NUP107: variants seen among roughly 807,000 people sequenced by gnomAD.
The protein encoded by NUP107 is nuclear pore complex protein Nup107.
NUP107 carries 101 observed loss-of-function variants against 141.0 expected under a neutral mutation model. The ratio of observed to expected loss-of-function variants is 0.72; its 90% CI spans 0.61 to 0.84. The LOEUF is 0.84. Among genes scored for constraint, NUP107 ranks in the 40% least tolerant of loss-of-function variants. The probability of loss-of-function intolerance (pLI) is 0.00; values close to 1 mark genes in which losing one functional copy is unlikely to be tolerated. For missense variants in NUP107, 941 were observed against 1,102.7 expected (o/e 0.85, Z 2.08); for synonymous variants, 319 against 363.9 (o/e 0.88, Z 1.41).
chr12:68,718,890 GTATT>G (rs1555178170), intron 12 of NUP107, among the ~76,000 whole-genome samples: 23 of 131,738 alleles, frequency 1.7e-4, no homozygotes, highest in South Asian at 8.2e-4. Context: ...ATGTATGTAT[GTATT>G]TATTTAGTTT....
intron 10 of NUP107, among the ~76,000 whole-genome samples, chr12:68,712,438 A>AG (rs1565693895): frequency 1.4e-5 from 2 of 146,716 alleles, no homozygotes; most frequent in Non-Finnish European, 3.0e-5. Context: ...AAAAAAAAAA[A>AG]AAAAAGTCAG....
chr12:68,728,360 G>A (rs974979156), intron 20 of NUP107, among the ~76,000 whole-genome samples: 1 of 150,998 alleles, frequency 6.6e-6, no homozygotes, highest in Non-Finnish European at 1.5e-5. Flanking sequence ...GGGAAACAGA[G>A]GTGGGTGGAT....
chr12:68,721,502 T>C (rs1187496900), intron 15 of NUP107, among the ~76,000 whole-genome samples: 1 of 152,194 alleles, frequency 6.6e-6, no homozygotes, highest in Non-Finnish European at 1.5e-5. Context: ...AAAGACACAG[T>C]GAGTCCTTGG....
chr12:68,729,161 C>T (rs781066086), intron 20 of NUP107, among the ~76,000 whole-genome samples: 42 of 152,194 alleles, frequency 2.8e-4, no homozygotes, highest in Non-Finnish European at 4.4e-5. Context: ...TGGATACTCA[C>T]AGCACTTGAG....
At chr12:68,732,913 C>T (rs1401468790) in intron 23 of NUP107, 174 bp downstream of exon 23, 3 of 413,684 alleles carry the variant, frequency 7.3e-6, no homozygotes, top group Non-Finnish European at 1.3e-5. Context: ...GAACTCCTGG[C>T]CTGAAGCAAT....
At chr12:68,725,105 T>C (rs1165594611) in intron 17 of NUP107, among the ~76,000 whole-genome samples, 2 of 152,182 alleles carry the variant, frequency 1.3e-5, no homozygotes, top group African/African-American at 4.8e-5. Flanking sequence ...ATAAATTCCA[T>C]ATAGAGCAAA....
In NUP107 at chr12:68,689,840, C is replaced by T. The variant is rs1288750370; in HGVS notation, c.187+221C>T. ...CATGGGTATTGTTGGCCCTGTTTTA[C>T]CAAAACTGAAAGTGAGACTTAGAGA... On this transcript the variant is annotated intron_variant, in intron 3 of 27. Transcript: ENST00000229179. 3 of 453,948 alleles carry T rather than the reference C, an allele frequency of 6.6e-6. No individual in the cohort carries two copies. The East Asian group carries it at 1.2e-4, about 18-fold the overall frequency. The allele number at this position is 453,948 out of a possible 1,614,324, so 28.1% of individuals were successfully genotyped here.
rs1877076055 is a variant in NUP107, at chr12:68,715,745, G to T, written c.1083+5G>T. 1 of 1,527,360 alleles carries T rather than the reference G, an allele frequency of 6.5e-7. No individual in the cohort carries two copies. Among genetic ancestry groups the T allele is most frequent in the African/African-American group, 1.4e-5 (1 of 73,032 alleles). The allele number at this position is 1,527,360 out of a possible 1,614,324, so 94.6% of individuals were successfully genotyped here. On this transcript the variant is annotated splice_donor_5th_base_variant and intron_variant, in intron 12 of 27. Coordinates refer to ENST00000229179, the MANE Select transcript of NUP107 (RefSeq NM_020401.4). ...CGTGCTGGAATGACAGAAGAGGTCA[G>T]TCATGTATACCCTTCTTGTCTAATT... is the stretch of plus-strand genomic sequence containing the variant.
At position 68,742,583 on chromosome 12, in the gene NUP107, T is replaced by G. The variant is rs1878366443; in HGVS notation, c.*121T>G. ...AAATTTAGACATTTGAATTTTGTAC[T>G]TTTCAGAATATTATCGTGACACTTT... is the stretch of plus-strand genomic sequence containing the variant. On this transcript the variant is annotated 3_prime_UTR_variant, in exon 28 of 28. Transcript: ENST00000229179. 2 of 506,806 alleles carry G rather than the reference T, an allele frequency of 3.9e-6. No individual in the cohort carries two copies. The highest frequency in any genetic ancestry group is 7.0e-6 in the Non-Finnish European group (2 of 285,802). 31.4% of individuals were successfully genotyped at this position (506,806 alleles called of 1,614,324 possible).
chr12:68,696,280 G>A (rs746709378), intron 5 of NUP107, among the ~76,000 whole-genome samples: 12 of 151,662 alleles, frequency 7.9e-5, no homozygotes, highest in South Asian at 2.1e-4. Context: ...CAGGAGCACC[G>A]CTTGAACCTG....
Position 68,691,950 on chromosome 12 carries a change from T to C in NUP107, c.304-18T>C. 2 of 1,576,874 alleles carry C rather than the reference T, an allele frequency of 1.3e-6. No individual in the cohort carries two copies. The highest frequency in any genetic ancestry group is 1.7e-6 in the Non-Finnish European group (2 of 1,167,556). ...TCCATCACTTTTCTGTATTTTTACTTTTTTGTTTTTTTTTAAGGTTACTAA... is the reference window on the plus strand; with the variant it reads ...TCCATCACTTTTCTGTATTTTTACTCTTTTGTTTTTTTTTAAGGTTACTAA... On this transcript the variant is annotated intron_variant, in intron 4 of 27. Coordinates refer to ENST00000229179, the MANE Select transcript of NUP107 (RefSeq NM_020401.4).
At chr12:68,699,395 C>G (rs1281899806) in intron 6 of NUP107, among the ~76,000 whole-genome samples, 1 of 151,894 alleles carries the variant, frequency 6.6e-6, no homozygotes, top group Non-Finnish European at 1.5e-5. Context: ...TAAAATAAAA[C>G]TACACTAAAG....
intron 25 of NUP107, among the ~76,000 whole-genome samples, 157 bp from the exon 26 acceptor site, chr12:68,735,074 T>C (rs1424309740): frequency 6.6e-6 from 1 of 152,248 alleles, no homozygotes; most frequent in Non-Finnish European, 1.5e-5. Context: ...AGCGTTTTAC[T>C]TAACTGCAGT....
At chr12:68,705,755 T>G in intron 8 of NUP107, 1 of 721,146 alleles carries the variant, frequency 1.4e-6, no homozygotes, top group Non-Finnish European at 2.6e-6. Context: ...TTCTCCCGAA[T>G]GGGCAGCAGC....
chr12:68,694,090 A>G (rs1875936385), intron 5 of NUP107, among the ~76,000 whole-genome samples: 1 of 152,212 alleles, frequency 6.6e-6, no homozygotes, highest in South Asian at 2.1e-4. Flanking sequence ...TGGTACCAGG[A>G]TTTGAAACTA....
Position 68,741,937 on chromosome 12 carries a change from A to G in NUP107, c.2627A>G (p.Gln876Arg), listed in dbSNP as rs772353454. The G allele has an allele frequency of 2.5e-6, 4 of 1,613,208 alleles. No individual in the cohort carries two copies. Among genetic ancestry groups the G allele is most frequent in the Admixed American group, 1.7e-5 (1 of 59,946 alleles). Reference protein sequence around the residue: ...HSTGQYQECLQLADMVSSERH... With the variant: ...HSTGQYQECLRLADMVSSERH... Reference sequence around the variant, plus strand: ...ACTGGTCAGTATCAGGAATGCCTACAGTTAGCAGATATGGTATCCTCTGAG... The same window carrying G: ...ACTGGTCAGTATCAGGAATGCCTACGGTTAGCAGATATGGTATCCTCTGAG... Residue 876 changes from glutamine (Q) to arginine (R), a missense_variant, in exon 27 of 28, where the codon CAG becomes CGG. Coordinates refer to ENST00000229179, the MANE Select transcript of NUP107 (RefSeq NM_020401.4).
At chr12:68,730,588 A>G (rs1016514080) in intron 20 of NUP107, among the ~76,000 whole-genome samples, 1 of 152,068 alleles carries the variant, frequency 6.6e-6, no homozygotes, top group African/African-American at 2.4e-5. Context: ...TACCCAGCCA[A>G]TTTTCCAATA....
chr12:68,697,332 G>C (rs796219256), intron 6 of NUP107, among the ~76,000 whole-genome samples: 22 of 152,238 alleles, frequency 1.4e-4, no homozygotes, highest in African/African-American at 5.1e-4. Context: ...GCTCAGGTGG[G>C]AGGATTGCAT....
chr12:68,698,671 G>A (rs534949237), intron 6 of NUP107, among the ~76,000 whole-genome samples: 1 of 152,286 alleles, frequency 6.6e-6, no homozygotes, highest in South Asian at 2.1e-4. Flanking sequence ...ATTGCTAAGT[G>A]AAAGAAGCCA....
Sources: gnomAD v4.1 joint callset for allele counts (sites outside exome capture counted in the v4.1 genomes callset) on GRCh38, gnomAD v4.1.1 for gene constraint, MANE v1.5 for transcripts, NCBI Gene and HGNC (gene_info 2026-07-23, HGNC 2026-07-21) for gene names.